The following TBC1D4 variants were observed in gnomAD, a reference collection of about 807,000 sequenced individuals.
TBC1D4 encodes TBC (Tre-2, BUB2, CDC16) domain-containing protein.
In TBC1D4, 121 loss-of-function variants were observed where a neutral mutation model predicts 142.5. The ratio of observed to expected loss-of-function variants is 0.85; its 90% CI spans 0.73 to 0.99. TBC1D4 has a LOEUF of 0.99. TBC1D4 is among the 50% of genes least tolerant of loss of function. The pLI, the probability that TBC1D4 is intolerant of heterozygous loss-of-function variation, is 0.00. For synonymous variants in TBC1D4, 630 were observed against 628.2 expected, an observed-to-expected ratio of 1.00 and a Z score of -0.04; for missense variants, 1,475 against 1,606.6, an observed-to-expected ratio of 0.92 and a Z score of 1.40.
chr13:75,464,599 C>T (rs1342441715), intron 1 of TBC1D4, among the ~76,000 whole-genome samples: 1 of 152,188 alleles, frequency 6.6e-6, no homozygotes, highest in Non-Finnish European at 1.5e-5. Flanking sequence ...CCACTCCACA[C>T]TCTGTATTTC....
At chr13:75,441,368 C>A (rs1448566392) in intron 1 of TBC1D4, among the ~76,000 whole-genome samples, 2 of 152,008 alleles carry the variant, frequency 1.3e-5, no homozygotes, top group African/African-American at 4.8e-5. Context: ...CAGCTTTCTA[C>A]TTTAAGGGAC....
chr13:75,415,125 C>A (rs79291379), intron 1 of TBC1D4, among the ~76,000 whole-genome samples: 1,078 of 128,566 alleles, frequency 8.4e-3, no homozygotes, highest in Non-Finnish European at 9.6e-3. Flanking sequence ...CTCCATCTCA[C>A]AAAAAAAAAA....
Position 75,294,888 on chromosome 13 carries a change from A to G in TBC1D4, c.3282T>C (p.Ser1094=), listed in dbSNP as rs747035803. 2 of 1,613,982 alleles carry G rather than the reference A, an allele frequency of 1.2e-6. No homozygotes were observed. The highest frequency in any genetic ancestry group is 1.7e-6 in the Non-Finnish European group (2 of 1,179,884). ...TGGCTACAAATCCTAATGAAAACTG[A>G]GAGGCAAACAATGTGAGGAACCAGG... ...AAPWFLTLFA[S]QFSLGFVARV... Residue 1094 remains serine (S), a synonymous_variant, in exon 18 of 21, where the codon TCT becomes TCC. Transcript: ENST00000377636.
intron 5 of TBC1D4, among the ~76,000 whole-genome samples, chr13:75,344,519 T>C (rs1273171739): frequency 1.3e-5 from 2 of 152,112 alleles, no homozygotes; most frequent in African/African-American, 4.8e-5. Context: ...ATGTATATTA[T>C]CCACTATGCA....
At chr13:75,377,574 A>G (rs1435737379) in intron 1 of TBC1D4, among the ~76,000 whole-genome samples, 11 of 151,884 alleles carry the variant, frequency 7.2e-5, no homozygotes, top group Admixed American at 7.2e-4. Flanking sequence ...AACACAAATG[A>G]GCAAAAACAA....
chr13:75,425,962 G>A (rs1020950022), intron 1 of TBC1D4, among the ~76,000 whole-genome samples: 1 of 151,966 alleles, frequency 6.6e-6, no homozygotes, highest in African/African-American at 2.4e-5. Flanking sequence ...AGATTTTAAA[G>A]GTTCTCACCA....
At chr13:75,443,200 T>C (rs1374031078) in intron 1 of TBC1D4, among the ~76,000 whole-genome samples, 1 of 152,112 alleles carries the variant, frequency 6.6e-6, no homozygotes, top group African/African-American at 2.4e-5. Flanking sequence ...AACTACTTTT[T>C]TCCCTGTAGA....
chr13:75,312,118 C>G (rs1209944542), intron 13 of TBC1D4, among the ~76,000 whole-genome samples: 4 of 152,048 alleles, frequency 2.6e-5, no homozygotes, highest in African/African-American at 9.7e-5. Flanking sequence ...GTGCTTGCCT[C>G]TTTGGATGCT....
At chr13:75,311,898 C>T (rs918858800) in intron 13 of TBC1D4, among the ~76,000 whole-genome samples, 3 of 152,076 alleles carry the variant, frequency 2.0e-5, no homozygotes, top group Non-Finnish European at 2.9e-5. Context: ...GCGAAGTTCT[C>T]TATAAATATT....
At position 75,324,403 on chromosome 13, in the gene TBC1D4, T is replaced by G. The variant is rs1343903985; in HGVS notation, c.2034-2A>C. 4 of 1,613,890 alleles carry G rather than the reference T, an allele frequency of 2.5e-6. No homozygotes were observed. The Admixed American group carries it at 6.7e-5, about 27-fold the overall frequency. On this transcript the variant is annotated splice_acceptor_variant, in intron 10 of 20. Transcript: ENST00000377636. LOFTEE classifies it high-confidence loss of function. ...ATGCGTCGAACTGACGAAAGATTGC[T>G]GAGTACAGAAAATACAGCAAATATG...
intron 1 of TBC1D4, among the ~76,000 whole-genome samples, chr13:75,365,692 G>A (rs949408662): frequency 6.6e-6 from 1 of 152,110 alleles, no homozygotes; most frequent in Non-Finnish European, 1.5e-5. Context: ...TATATGTGTT[G>A]TATCTTTTCA....
rs1883718060 is a variant in TBC1D4, at chr13:75,379,885, C to CTTTTTTTTTTTTTTTTTTTTTTTTTTTT, written c.499-17279_499-17278insAAAAAAAAAAAAAAAAAAAAAAAAAAAA. ...AAGTATATCAGTTTTGTTCATCTGA[C>CTTTTTTTTTTTTTTTTTTTTTTTTTTTT]TCTTTTTTTTTTTTTTTTTTTTTTT... On this transcript the variant is annotated intron_variant, in intron 1 of 20. Coordinates refer to ENST00000377636, the MANE Select transcript of TBC1D4 (RefSeq NM_014832.5). Among the ~76,000 whole-genome samples, 4 of 98,536 alleles carry CTTTTTTTTTTTTTTTTTTTTTTTTTTTT rather than the reference C, an allele frequency of 4.1e-5. 2 individuals carry two copies. The highest frequency in any genetic ancestry group is 4.0e-5 in the Non-Finnish European group (2 of 50,102). The allele number at this position is 98,536 out of a possible 152,430, so 64.6% of individuals were successfully genotyped here. A position where few individuals can be genotyped will look rare whatever the true frequency, so the allele number is the denominator to read the frequency against.
At chr13:75,344,419 T>A (rs1422548058) in intron 5 of TBC1D4, among the ~76,000 whole-genome samples, 2 of 152,260 alleles carry the variant, frequency 1.3e-5, no homozygotes, top group African/African-American at 4.8e-5. Context: ...TCTTTCAAAC[T>A]ATACATGCTC....
At chr13:75,471,277 T>C (rs924019556) in intron 1 of TBC1D4, among the ~76,000 whole-genome samples, 4 of 152,344 alleles carry the variant, frequency 2.6e-5, no homozygotes, top group African/African-American at 2.4e-5. Flanking sequence ...ATAACTAATG[T>C]ACTTTATTTA....
intron 1 of TBC1D4, among the ~76,000 whole-genome samples, chr13:75,469,201 A>C (rs1888292440): frequency 6.6e-6 from 1 of 152,220 alleles, no homozygotes; most frequent in Admixed American, 6.5e-5. Context: ...AATGTAATGC[A>C]TGCAGGAGAG....
intron 18 of TBC1D4, among the ~76,000 whole-genome samples, chr13:75,292,892 C>T (rs1875482558): frequency 6.6e-6 from 1 of 152,176 alleles, no homozygotes; most frequent in Non-Finnish European, 1.5e-5. Context: ...TGTTGGCTCA[C>T]ATCTGTAAAC....
intron 10 of TBC1D4, 130 bp from the exon 11 acceptor site, chr13:75,324,531 C>A: frequency 1.9e-6 from 2 of 1,064,662 alleles, no homozygotes; most frequent in African/African-American, 1.6e-5. Context: ...AGGGCTGGAT[C>A]TTACATGAAA....
At chr13:75,341,080 A>G in intron 7 of TBC1D4, 45 bp downstream of exon 7, 1 of 1,567,250 alleles carries the variant, frequency 6.4e-7, no homozygotes, top group Non-Finnish European at 8.8e-7. Flanking sequence ...TAACAAAATT[A>G]TTAAACAACA....
At chr13:75,468,459 C>T (rs1394913880) in intron 1 of TBC1D4, among the ~76,000 whole-genome samples, 2 of 152,080 alleles carry the variant, frequency 1.3e-5, no homozygotes, top group African/African-American at 2.4e-5. Flanking sequence ...AAATCCTCAA[C>T]TCACAAAGGA....
Sources: gnomAD v4.1 joint callset for allele counts (sites outside exome capture counted in the v4.1 genomes callset) on GRCh38, gnomAD v4.1.1 for gene constraint, MANE v1.5 for transcripts, NCBI Gene and HGNC (gene_info 2026-07-23, HGNC 2026-07-21) for gene names.